The following HMGCLL1 variants were observed in gnomAD, a reference collection of about 807,000 sequenced individuals.
The protein encoded by HMGCLL1 is 3-hydroxymethyl-3-methylglutaryl-CoA lyase, cytoplasmic.
A neutral mutation model predicts 39.1 loss-of-function variants in HMGCLL1; 36 were observed. The observed-to-expected ratio is 0.92, with a 90% CI of 0.71 to 1.22. The LOEUF is 1.22. HMGCLL1 is among the 50% of genes most tolerant of loss of function. The pLI is 0.00. For missense variants in HMGCLL1, 451 were observed against 416.5 expected, an observed-to-expected ratio of 1.08 and a Z score of -0.72; for synonymous variants, 149 against 144.0, an observed-to-expected ratio of 1.03 and a Z score of -0.25.
intron 1 of HMGCLL1, among the ~76,000 whole-genome samples, chr6:55,543,779 G>A (rs915595311): frequency 6.6e-6 from 1 of 151,394 alleles, no homozygotes; most frequent in African/African-American, 2.4e-5. Context: ...AGGCTGAGGT[G>A]GGAAGATTGC....
intron 1 of HMGCLL1, among the ~76,000 whole-genome samples, chr6:55,573,050 A>G: frequency 6.6e-6 from 1 of 152,200 alleles, no homozygotes; most frequent in South Asian, 2.1e-4. Context: ...GTTTGAATTC[A>G]GGTCTCAGCA....
chr6:55,558,540 CA>C (rs1370462172), intron 1 of HMGCLL1, among the ~76,000 whole-genome samples: 2 of 152,138 alleles, frequency 1.3e-5, no homozygotes, highest in African/African-American at 4.8e-5. Flanking sequence ...CCAGCTCTAT[CA>C]GAATCCATAG....
chr6:55,539,860 A>AAGAAAGAAAGAG (rs1192240574), intron 3 of HMGCLL1, among the ~76,000 whole-genome samples: 2 of 9,200 alleles, frequency 2.2e-4, no homozygotes, highest in East Asian at 6.7e-3. Flanking sequence ...AAGAAAGAGG[A>AAGAAAGAAAGAG]AGAAAGAAAG....
At chr6:55,464,344 G>A (rs929566265) in intron 7 of HMGCLL1, among the ~76,000 whole-genome samples, 3 of 152,098 alleles carry the variant, frequency 2.0e-5, no homozygotes, top group Admixed American at 1.3e-4. Context: ...ATTCTATCCT[G>A]CAACCATAAC....
At chr6:55,527,443 A>G (rs1040143241) in intron 3 of HMGCLL1, among the ~76,000 whole-genome samples, 2 of 152,036 alleles carry the variant, frequency 1.3e-5, no homozygotes, top group African/African-American at 2.4e-5. Context: ...AAGGGGGCCA[A>G]ATTAGCACAT....
At chr6:55,511,530 A>C (rs1407619058) in intron 5 of HMGCLL1, among the ~76,000 whole-genome samples, 1 of 3,454 alleles carries the variant, frequency 2.9e-4, no homozygotes, top group Admixed American at 3.7e-3. Flanking sequence ...GCTTTTATAA[A>C]ATGTGTACTG....
chr6:55,588,410 T>C, the HMGCLL1 span, among the ~76,000 whole-genome samples: 3 of 149,988 alleles, frequency 2.0e-5, no homozygotes, highest in Non-Finnish European at 4.5e-5. Context: ...AAACAGTGTA[T>C]AGAGGGAAAC....
chr6:55,579,466 T>C (rs1771932064), upstream of HMGCLL1, among the ~76,000 whole-genome samples: 1 of 152,038 alleles, frequency 6.6e-6, no homozygotes, highest in South Asian at 2.1e-4. Context: ...GGAAGGGGCG[T>C]GAGTGTTTAT....
intron 7 of HMGCLL1, among the ~76,000 whole-genome samples, chr6:55,481,329 C>T (rs1161631819): frequency 6.6e-6 from 1 of 151,750 alleles, no homozygotes; most frequent in East Asian, 1.9e-4. Flanking sequence ...AGTGAGCTAT[C>T]CAGCCTGGGT....
intron 3 of HMGCLL1, among the ~76,000 whole-genome samples, chr6:55,517,999 C>T (rs547635195): frequency 3.9e-5 from 6 of 152,190 alleles, no homozygotes; most frequent in Admixed American, 1.3e-4. Flanking sequence ...CACCAATTCC[C>T]GTCTTCTCCA....
chr6:55,585,354 C>T, the HMGCLL1 span, among the ~76,000 whole-genome samples: 5 of 152,148 alleles, frequency 3.3e-5, no homozygotes, highest in East Asian at 5.8e-4. Context: ...ATGGACTGTT[C>T]GTTAACTAGT....
chr6:55,593,536 A>G, the HMGCLL1 span, among the ~76,000 whole-genome samples: 5,131 of 152,258 alleles, frequency 0.034, 168 homozygotes, highest in Middle Eastern at 0.092. Context: ...CATAATTTAT[A>G]AGGCTTTCAT....
At chr6:55,619,357 T>C in the HMGCLL1 span, among the ~76,000 whole-genome samples, 1 of 152,158 alleles carries the variant, frequency 6.6e-6, no homozygotes, top group South Asian at 2.1e-4. Context: ...ATTTTGTTTT[T>C]ACCATAAACT....
intron 1 of HMGCLL1, among the ~76,000 whole-genome samples, chr6:55,575,615 A>G (rs1256256307): frequency 5.9e-5 from 9 of 152,144 alleles, no homozygotes; most frequent in Non-Finnish European, 1.3e-4. Flanking sequence ...AAATTATTTC[A>G]TATTACAGGA....
chr6:55,630,593 C>T, the HMGCLL1 span, among the ~76,000 whole-genome samples: 2 of 151,898 alleles, frequency 1.3e-5, no homozygotes, highest in African/African-American at 2.4e-5. Flanking sequence ...TGGCTCTGTC[C>T]CCACTCAAAT....
chr6:55,652,013 C>T, the HMGCLL1 span, among the ~76,000 whole-genome samples: 2 of 152,052 alleles, frequency 1.3e-5, no homozygotes, highest in African/African-American at 4.8e-5. Context: ...CTCCTGCCCT[C>T]CTCAATGACT....
At chr6:55,658,372 C>T in the HMGCLL1 span, among the ~76,000 whole-genome samples, 2 of 151,876 alleles carry the variant, frequency 1.3e-5, no homozygotes, top group Non-Finnish European at 2.9e-5. Context: ...CATCTCTGAT[C>T]CTAAATTGAA....
At chr6:55,543,215 T>TTAAA (rs1769636800) in intron 1 of HMGCLL1, among the ~76,000 whole-genome samples, 1 of 16,122 alleles carries the variant, frequency 6.2e-5, no homozygotes, top group South Asian at 2.0e-3. Flanking sequence ...ATATTATATA[T>TTAAA]TATATAATAT....
At chr6:55,599,346 G>A in the HMGCLL1 span, among the ~76,000 whole-genome samples, 1 of 152,072 alleles carries the variant, frequency 6.6e-6, no homozygotes. Flanking sequence ...GAAAATAATG[G>A]AAACTTAGAT....
Sources: allele counts gnomAD v4.1 joint callset (sites outside exome capture counted in the v4.1 genomes callset), GRCh38; gene constraint gnomAD v4.1.1; transcripts MANE v1.5; gene names NCBI Gene and HGNC (gene_info 2026-07-23, HGNC 2026-07-21).